Variants in PPP1R8 observed in about 807,000 individuals in gnomAD.
PPP1R8 encodes the protein nuclear inhibitor of protein phosphatase 1.
A neutral mutation model predicts 31.3 loss-of-function variants in PPP1R8; 4 were observed. The observed-to-expected ratio is 0.13, with a 90% CI of 0.06 to 0.29. The LOEUF is 0.29. Among genes scored for constraint, PPP1R8 ranks in the 10% least tolerant of loss-of-function variants. The probability of loss-of-function intolerance (pLI) is 1.00; values close to 1 mark genes in which losing one functional copy is unlikely to be tolerated. For synonymous variants in PPP1R8, 170 were observed against 169.7 expected (o/e 1.00, Z -0.01); for missense variants, 254 against 440.1 (o/e 0.58, Z 3.78).
rs1332857832 is a variant in PPP1R8 at position 27,830,804 on chromosome 1, A to C, written c.-32A>C. The C allele has an allele frequency of 1.3e-6, 2 of 1,564,336 alleles. No homozygotes were observed. Among genetic ancestry groups the C allele is most frequent in the East Asian group, 2.4e-5 (1 of 41,912 alleles). On this transcript the variant is annotated 5_prime_UTR_variant, in exon 1 of 7. Coordinates refer to ENST00000311772, the MANE Select transcript of PPP1R8 (RefSeq NM_014110.5). ...GGTCTTCCAGTTTCCCGGCGTGCTT[A>C]GGGCGCGCCAAATGGGAGGGGGAGA...
In PPP1R8 at chr1:27,838,809, C is replaced by T; in HGVS notation, c.228C>T (p.Tyr76=). ...SCSRVHAALV[Y]HKHLKRVFLI... is the part of the protein sequence containing the mutation. The stretch of plus-strand genomic sequence containing the variant: ...CTCGGGTCCATGCTGCACTTGTCTA[C>T]CACAAGCATCTGAAGAGAGTTTTCC... The change falls in exon 3 of 7, where the codon TAC becomes TAT. Residue 76 remains tyrosine (Y), a synonymous_variant. Transcript: ENST00000311772. 1 of 1,611,570 alleles carries T rather than the reference C, an allele frequency of 6.2e-7. No individual in the cohort carries two copies. The highest frequency in any genetic ancestry group is 2.2e-5 in the East Asian group (1 of 44,788).
chr1:27,831,274 C>T, intron 1 of PPP1R8: 2 of 1,009,604 alleles, frequency 2.0e-6, no homozygotes, highest in Non-Finnish European at 2.4e-6. Flanking sequence ...TCGAGCCAGC[C>T]CCGGCCCCAA....
At chr1:27,849,313 G>A (rs2089316214) in intron 6 of PPP1R8, among the ~76,000 whole-genome samples, 1 of 149,164 alleles carries the variant, frequency 6.7e-6, no homozygotes, top group Non-Finnish European at 1.5e-5. Flanking sequence ...AGAAGTTGCT[G>A]TGAGCTGAGA....
Position 27,850,360 on chromosome 1 carries a change from C to CCCT in PPP1R8, c.971_972insCTC (p.Pro324_Glu325insSer). On this transcript the variant is annotated inframe_insertion, in exon 7 of 7. Transcript: ENST00000311772. Reference sequence around the variant, plus strand: ...TGCACCAAACCCTGCAGTCTATAACCCTGAAGCTGTAAATGAACCCAAGAA... The same window carrying CCCT: ...TGCACCAAACCCTGCAGTCTATAACCCCTCTGAAGCTGTAAATGAACCCAAGAA... 1 of 1,614,102 alleles carries CCCT rather than the reference C, an allele frequency of 6.2e-7. No homozygotes were observed. The highest frequency in any genetic ancestry group is 8.5e-7 in the Non-Finnish European group (1 of 1,180,020).
chr1:27,839,535 TAAAG>T (rs946500807), intron 3 of PPP1R8, among the ~76,000 whole-genome samples: 19 of 151,860 alleles, frequency 1.3e-4, no homozygotes, highest in Admixed American at 2.6e-4. Context: ...CTCAAAAAAA[TAAAG>T]AAAAGGAAAA....
chr1:27,844,306 A>ATTTTTAT (rs755576213), intron 5 of PPP1R8, among the ~76,000 whole-genome samples: 13 of 151,652 alleles, frequency 8.6e-5, no homozygotes, highest in Non-Finnish European at 1.6e-4. Flanking sequence ...CCTGGCTGAA[A>ATTTTTAT]TTTTTATTTT....
chr1:27,838,911 G>T, intron 3 of PPP1R8, 59 bp downstream of exon 3: 1 of 1,367,284 alleles, frequency 7.3e-7, no homozygotes, highest in Non-Finnish European at 9.7e-7. Flanking sequence ...ATACTCTTTG[G>T]GTTCTTTAGT....
intron 4 of PPP1R8, 152 bp downstream of exon 4, chr1:27,841,386 T>C (rs2089221263): frequency 1.3e-6 from 1 of 765,474 alleles, no homozygotes; most frequent in African/African-American, 1.8e-5. Flanking sequence ...TGTGGCCAGC[T>C]GTGACAGCTC....
Position 27,830,865 on chromosome 1 carries a change from C to G in PPP1R8, c.30C>G (p.Ser10Arg). 6.4e-7 allele frequency: 1 copy of G among 1,574,548 alleles called. No individual in the cohort carries two copies. The highest frequency in any genetic ancestry group is 1.8e-5 in the Admixed American group (1 of 54,316). MAAAANSGS[S>R]LPLFDCPTWA... ...CGGCAGCCGCGAACTCCGGCTCTAGCCTCCCGCTGTTCGACTGCCCAACCT... is the reference window on the plus strand; with the variant it reads ...CGGCAGCCGCGAACTCCGGCTCTAGGCTCCCGCTGTTCGACTGCCCAACCT... The change falls in exon 1 of 7, where the codon AGC becomes AGG. Residue 10 changes from serine (S) to arginine (R), a missense_variant. This residue lies in a region of PPP1R8 where 38 missense variants were observed against 18.6 expected (regional missense o/e 2.04). Coordinates refer to ENST00000311772, the MANE Select transcript of PPP1R8 (RefSeq NM_014110.5).
chr1:27,831,260 G>A (rs1193151391), intron 1 of PPP1R8: 6 of 1,014,570 alleles, frequency 5.9e-6, no homozygotes, highest in Non-Finnish European at 5.9e-6. Flanking sequence ...CGTCCCGAGC[G>A]CGCTCGAGCC....
chr1:27,836,002 T>C (rs1464084053), intron 2 of PPP1R8, among the ~76,000 whole-genome samples: 1 of 151,944 alleles, frequency 6.6e-6, no homozygotes, highest in Non-Finnish European at 1.5e-5. Flanking sequence ...GCATGAGGTG[T>C]ATCTTTTGGT....
chr1:27,838,413 T>C (rs1212620668), intron 2 of PPP1R8, among the ~76,000 whole-genome samples: 1 of 152,076 alleles, frequency 6.6e-6, no homozygotes, highest in African/African-American at 2.4e-5. Context: ...GTTATTTTCA[T>C]ACCAACACTA....
At chr1:27,845,984 G>A (rs1282838968) in intron 5 of PPP1R8, among the ~76,000 whole-genome samples, 1 of 151,700 alleles carries the variant, frequency 6.6e-6, no homozygotes, top group Non-Finnish European at 1.5e-5. Context: ...TAGAGACGGA[G>A]TTTCACCATG....
Position 27,846,026 on chromosome 1 carries a change from A to G in PPP1R8, c.638-1002A>G, listed in dbSNP as rs750883313. Among the ~76,000 whole-genome samples the G allele has an allele frequency of 1.8e-3, 276 of 151,656 alleles. 1 individual carries two copies. Among genetic ancestry groups the G allele is most frequent in the African/African-American group, 6.4e-3 (262 of 41,126 alleles). ...AGGATGGTTTCGACCTCCTGACCTC[A>G]TGATCTGCCCACCTCGGCCTCCCAA... On this transcript the variant is annotated intron_variant, in intron 5 of 6. Transcript: ENST00000311772.
At chr1:27,847,175 C>G in intron 6 of PPP1R8, 83 bp downstream of exon 6, 1 of 1,397,084 alleles carries the variant, frequency 7.2e-7, no homozygotes, top group South Asian at 1.2e-5. Context: ...GCCTGTAATC[C>G]AAGCACTTTG....
At chr1:27,847,153 G>A (rs921131091) in intron 6 of PPP1R8, 61 bp downstream of exon 6, 126 of 1,536,608 alleles carry the variant, frequency 8.2e-5, no homozygotes, top group Non-Finnish European at 1.0e-4. Flanking sequence ...TAGGCCAGGC[G>A]CGTTGGCTTA....
Position 27,833,691 on chromosome 1 carries a change from G to T in PPP1R8, c.117+875G>T, listed in dbSNP as rs1571544244. Among the ~76,000 whole-genome samples, 4 of 152,250 alleles carry T rather than the reference G, an allele frequency of 2.6e-5. No homozygotes were observed. The East Asian group carries it at 7.7e-4, about 29-fold the overall frequency. Reference sequence around the variant, plus strand: ...TTGCTCAGCTAGAATTTAGGTTCAAGGCCCCATTATTGAATGCAGTTTTTT... The same window carrying T: ...TTGCTCAGCTAGAATTTAGGTTCAATGCCCCATTATTGAATGCAGTTTTTT... On this transcript the variant is annotated intron_variant, in intron 2 of 6. Coordinates refer to ENST00000311772, the MANE Select transcript of PPP1R8 (RefSeq NM_014110.5).
chr1:27,843,477 T>G (rs1451649484), intron 5 of PPP1R8, 147 bp downstream of exon 5: 2 of 945,816 alleles, frequency 2.1e-6, no homozygotes, highest in Non-Finnish European at 3.2e-6. Context: ...GCCAACAAGG[T>G]GAAACCCCAT....
intron 5 of PPP1R8, among the ~76,000 whole-genome samples, chr1:27,846,540 T>A (rs996477385): frequency 1.3e-4 from 20 of 152,362 alleles, no homozygotes; most frequent in African/African-American, 4.8e-4. Context: ...CAAAATCCGT[T>A]TTTTTGCTAA....
Sources: gnomAD v4.1 joint callset for allele counts (sites outside exome capture counted in the v4.1 genomes callset) on GRCh38, gnomAD v4.1.1 for gene constraint, gnomAD v4.1.1 regional missense constraint, MANE v1.5 for transcripts, NCBI Gene and HGNC (gene_info 2026-07-23, HGNC 2026-07-21) for gene names.